The following SETX variants were observed in gnomAD, a reference collection of about 807,000 sequenced individuals.
The protein encoded by SETX is helicase senataxin.
Under a neutral mutation model 227.2 loss-of-function variants are expected in SETX, and 90 were observed. The ratio of observed to expected loss-of-function variants is 0.40; its 90% confidence interval spans 0.33 to 0.47. SETX has a LOEUF of 0.47. Among genes scored for constraint, SETX ranks in the 20% least tolerant of loss-of-function variants. The pLI, the probability that SETX is intolerant of heterozygous loss-of-function variation, is 0.91. For synonymous variants in SETX, 1,210 were observed against 1,113.2 expected, an observed-to-expected ratio of 1.09 and a Z score of -1.73; for missense variants, 3,052 against 3,181.5, an observed-to-expected ratio of 0.96 and a Z score of 0.98.
intron 20 of SETX, among the ~76,000 whole-genome samples, chr9:132,279,304 A>C (rs558419721): frequency 1.1e-4 from 16 of 152,262 alleles, no homozygotes; most frequent in African/African-American, 3.6e-4. Context: ...TAGGAGATAC[A>C]CCTAATGTAA....
At chr9:132,266,805 G>C (rs1333787711) in intron 25 of SETX, among the ~76,000 whole-genome samples, 1 of 152,098 alleles carries the variant, frequency 6.6e-6, no homozygotes, top group African/African-American at 2.4e-5. Context: ...TTATACACTG[G>C]AGATAAAGGG....
chr9:132,264,102 G>C lies in SETX; in HGVS notation c.*137C>G. 8.1e-7 allele frequency: 1 copy of C among 1,237,022 alleles called. No individual in the cohort carries two copies. The highest frequency in any genetic ancestry group is 1.2e-6 in the Non-Finnish European group (1 of 859,246). 76.6% of individuals were successfully genotyped at this position (1,237,022 alleles called of 1,614,324 possible). ...ACTGAAGATGACCAGAGGCTCAGGT[G>C]TTAAGGATGCATTTTCCATGTTTTC... is the stretch of plus-strand genomic sequence containing the variant. On this transcript the variant is annotated 3_prime_UTR_variant, in exon 26 of 26. Transcript: ENST00000224140.
At chr9:132,272,107 T>C (rs1842933585) in intron 23 of SETX, among the ~76,000 whole-genome samples, 1 of 152,084 alleles carries the variant, frequency 6.6e-6, no homozygotes. Flanking sequence ...CCTGACCTCA[T>C]GATCCGCCCG....
intron 10 of SETX, among the ~76,000 whole-genome samples, chr9:132,315,535 A>G (rs1845914285): frequency 6.6e-6 from 1 of 152,152 alleles, no homozygotes. Context: ...CGCTCTAAGA[A>G]CACTCTGCCA....
chr9:132,333,404 A>ATATATATATATATATAT, intron 7 of SETX, among the ~76,000 whole-genome samples: 1 of 61,522 alleles, frequency 1.6e-5, no homozygotes, highest in African/African-American at 6.9e-5. Context: ...AAAAGAAAAA[A>ATATATATATATATATAT]AAAAATATAT....
intron 25 of SETX, among the ~76,000 whole-genome samples, chr9:132,267,230 T>A (rs1385524546): frequency 2.0e-5 from 3 of 152,216 alleles, no homozygotes; most frequent in Non-Finnish European, 2.9e-5. Flanking sequence ...CAGAATAAAA[T>A]GCTTGGCCCG....
chr9:132,300,533 A>G, intron 12 of SETX, 97 bp downstream of exon 12: 1 of 1,330,584 alleles, frequency 7.5e-7, no homozygotes. Context: ...TGTTCGGTAA[A>G]TGTCTATCAA....
In SETX at chr9:132,283,283, C is replaced by A. The variant is rs1423909749; in HGVS notation, c.6527G>T (p.Ser2176Ile). 6.2e-7 allele frequency: 1 copy of A among 1,614,146 alleles called. No homozygotes were observed. Among genetic ancestry groups the A allele is most frequent in the East Asian group, 2.2e-5 (1 of 44,882 alleles). Residue 2176 changes from serine to isoleucine, a missense_variant, in exon 19 of 26, where the codon AGC becomes ATC. By Grantham distance (142) the Ser-to-Ile change is moderately radical. Around this residue, in one of 10 missense-constraint regions of SETX, gnomAD observed 412 missense variants for 589.0 expected, o/e 0.70. Coordinates refer to ENST00000224140, the MANE Select transcript of SETX (RefSeq NM_015046.7). Reference protein sequence around the residue: ...AFRGQGGVPFSCVIVDEAGQS... With the variant: ...AFRGQGGVPFICVIVDEAGQS... Reference sequence around the variant, plus strand: ...ACTGACCTCATCAACAATGACACAGCTGAAGGGGACACCCCCTTGCCCACG... The same window carrying A: ...ACTGACCTCATCAACAATGACACAGATGAAGGGGACACCCCCTTGCCCACG...
intron 20 of SETX, among the ~76,000 whole-genome samples, chr9:132,279,112 G>A (rs74547722): frequency 0.072 from 10,994 of 152,234 alleles, 780 homozygotes; most frequent in East Asian, 0.38. Flanking sequence ...TAGGAACGCC[G>A]AAGCTGTGCT....
In SETX at chr9:132,269,817, T is replaced by C. The variant is rs183731471; in HGVS notation, c.7200-115A>G. 1.6e-4 allele frequency: 175 copies of C among 1,062,102 alleles called. No individual in the cohort carries two copies. The African/African-American group carries it at 2.1e-3, about 13-fold the overall frequency. 65.8% of individuals were successfully genotyped at this position (1,062,102 alleles called of 1,614,324 possible). A position where few individuals can be genotyped will look rare whatever the true frequency, so the allele number is the denominator to read the frequency against. ...GCCCGTGTCTGACAGAGGTGGAATC[T>C]TGAATGACTCAGTGAGCCCGAGACA... On this transcript the variant is annotated intron_variant, in intron 24 of 25. Coordinates refer to ENST00000224140, the MANE Select transcript of SETX (RefSeq NM_015046.7).
chr9:132,327,935 C>A lies in SETX; in HGVS notation c.3663G>T (p.Lys1221Asn). 1 of 1,614,068 alleles carries A rather than the reference C, an allele frequency of 6.2e-7. No individual in the cohort carries two copies. Among genetic ancestry groups the A allele is most frequent in the East Asian group, 2.2e-5 (1 of 44,886 alleles). The change falls in exon 10 of 26, where the codon AAG becomes AAT. Residue 1221 changes from lysine (K) to asparagine (N), a missense_variant. Around this residue, in one of 10 missense-constraint regions of SETX, gnomAD observed 1,483 missense variants for 1,312.0 expected, o/e 1.13. Transcript: ENST00000224140. ...RIQRATTVSQ[K>N]KSSKLCTCTE... is the part of the protein sequence containing the mutation. ...TACAAGTACAAAGCTTTGAAGACTTCTTTTGTGAAACCGTAGTGGCTCTCT... is the reference window on the plus strand; with the variant it reads ...TACAAGTACAAAGCTTTGAAGACTTATTTTGTGAAACCGTAGTGGCTCTCT...
intron 25 of SETX, among the ~76,000 whole-genome samples, chr9:132,265,219 C>CTT (rs1159856237): frequency 7.8e-5 from 10 of 128,490 alleles, no homozygotes; most frequent in African/African-American, 2.3e-4. Flanking sequence ...AGAACTTCAA[C>CTT]TTTTGTTTTT....
rs191703301 is a variant in SETX, at chr9:132,334,934, A to G, written c.719-207T>C. On this transcript the variant is annotated intron_variant, in intron 6 of 25. Transcript: ENST00000224140. The stretch of plus-strand genomic sequence containing the variant: ...AAGTGTGAAAGTACAAGATGGTTAG[A>G]AAACAATTTCTAACATAACTACCAT... Among the ~76,000 whole-genome samples, 4 of 152,342 alleles carry G rather than the reference A, an allele frequency of 2.6e-5. 1 individual carries two copies. Among genetic ancestry groups the G allele is most frequent in the Admixed American group, 2.6e-4 (4 of 15,304 alleles).
intron 22 of SETX, among the ~76,000 whole-genome samples, chr9:132,275,901 G>A (rs1365119091): frequency 6.6e-6 from 1 of 152,114 alleles, no homozygotes; most frequent in Non-Finnish European, 1.5e-5. Flanking sequence ...ACACAACCGA[G>A]CAGCTGCCAT....
intron 10 of SETX, among the ~76,000 whole-genome samples, chr9:132,312,247 C>A (rs903681834): frequency 6.6e-6 from 1 of 152,094 alleles, no homozygotes; most frequent in African/African-American, 2.4e-5. Context: ...GCTCACAAGT[C>A]CAAAAGGACC....
intron 10 of SETX, among the ~76,000 whole-genome samples, chr9:132,314,281 A>G (rs1015386151): frequency 6.6e-6 from 1 of 152,130 alleles, no homozygotes; most frequent in African/African-American, 2.4e-5. Flanking sequence ...TAGTAGAGAC[A>G]GAGTTTCTCC....
chr9:132,328,621 CTTT>C lies in SETX; in HGVS notation c.2974_2976del (p.Lys992del). On this transcript the variant is annotated inframe_deletion, in exon 10 of 26. Transcript: ENST00000224140. ...TTAGCTGTGAAACATCTTTTATCTT[CTTT>C]TACTTTCCTTTGCAGCTGCGATGAG... 6.2e-7 allele frequency: 1 copy of C among 1,613,446 alleles called. No homozygotes were observed. The highest frequency in any genetic ancestry group is 8.5e-7 in the Non-Finnish European group (1 of 1,179,736).
intron 10 of SETX, among the ~76,000 whole-genome samples, chr9:132,324,723 C>T (rs185072624): frequency 7.1e-4 from 108 of 152,336 alleles, no homozygotes; most frequent in Non-Finnish European, 1.4e-3. Flanking sequence ...TGTAAGAGCA[C>T]TTGGCACATA....
At chr9:132,332,919 A>G (rs1847332534) in intron 7 of SETX, among the ~76,000 whole-genome samples, 1 of 140,476 alleles carries the variant, frequency 7.1e-6, no homozygotes. Flanking sequence ...GTCTCAAAAG[A>G]AAAAAAAAAA....
Sources: allele counts gnomAD v4.1 joint callset (sites outside exome capture counted in the v4.1 genomes callset), GRCh38; gene constraint gnomAD v4.1.1; regional missense constraint gnomAD v4.1.1; transcripts MANE v1.5; gene names NCBI Gene and HGNC (gene_info 2026-07-23, HGNC 2026-07-21).